KLC1: variants seen among roughly 807,000 people sequenced by gnomAD.
KLC1 encodes the protein kinesin 2 60/70kDa.
A neutral mutation model predicts 84.2 loss-of-function variants in KLC1; 30 were observed. The ratio of observed to expected loss-of-function variants is 0.36; its 90% confidence interval spans 0.27 to 0.48. KLC1 has a LOEUF of 0.48. Among genes scored for constraint, KLC1 ranks in the 20% least tolerant of loss-of-function variants. The pLI is 0.99. For synonymous variants in KLC1, 289 were observed against 293.3 expected, an observed-to-expected ratio of 0.99 and a Z score of 0.15; for missense variants, 499 against 805.4, an observed-to-expected ratio of 0.62 and a Z score of 4.60.
At chr14:103,685,190 T>C in intron 13 of KLC1, 1 of 1,437,126 alleles carries the variant, frequency 7.0e-7, no homozygotes, top group South Asian at 1.5e-5. Context: ...GGCTGTAGAC[T>C]TTTAAAGTCC....
intron 14 of KLC1, among the ~76,000 whole-genome samples, chr14:103,689,845 G>A (rs560619373): frequency 5.8e-4 from 88 of 152,286 alleles, no homozygotes; most frequent in Non-Finnish European, 1.1e-3. Context: ...CTTTCGTTTC[G>A]TAAAAGGGGG....
At chr14:103,641,088 C>T (rs2077454925) in intron 1 of KLC1, among the ~76,000 whole-genome samples, 1 of 152,200 alleles carries the variant, frequency 6.6e-6, no homozygotes, top group East Asian at 1.9e-4. Context: ...CTATGCCTGG[C>T]TAATTTTTGT....
chr14:103,638,747 G>A (rs2077245526), intron 1 of KLC1, among the ~76,000 whole-genome samples: 1 of 150,904 alleles, frequency 6.6e-6, no homozygotes, highest in Admixed American at 6.6e-5. Flanking sequence ...AGTGGGGTGT[G>A]TGGGTGTGTG....
chr14:103,685,816 C>T lies in KLC1; in HGVS notation c.1651-1265C>T. Reference sequence around the variant, plus strand: ...GCTGCTGTCCTTTTTGGGGGGGTTCCTGATTTCTGTATACATGTAGCTTTG... The same window carrying T: ...GCTGCTGTCCTTTTTGGGGGGGTTCTTGATTTCTGTATACATGTAGCTTTG... On this transcript the variant is annotated intron_variant, in intron 13 of 16. Coordinates refer to ENST00000334553, the MANE Select transcript of KLC1 (RefSeq NM_001394837.1). 2.2e-5 allele frequency: 27 copies of T among 1,203,552 alleles called. No homozygotes were observed. The South Asian group carries it at 2.6e-4, about 11-fold the overall frequency. 74.6% of individuals were successfully genotyped at this position (1,203,552 alleles called of 1,614,324 possible). A position where few individuals can be genotyped will look rare whatever the true frequency, so the allele number is the denominator to read the frequency against.
At chr14:103,642,343 C>T (rs1036333227) in intron 1 of KLC1, among the ~76,000 whole-genome samples, 3 of 152,160 alleles carry the variant, frequency 2.0e-5, no homozygotes, top group Non-Finnish European at 4.4e-5. Context: ...AGAATTTTAA[C>T]ATGTGAATTG....
At chr14:103,654,367 C>G (rs2078689879) in intron 1 of KLC1, among the ~76,000 whole-genome samples, 197 bp from the exon 2 acceptor site, 1 of 152,024 alleles carries the variant, frequency 6.6e-6, no homozygotes, top group Non-Finnish European at 1.5e-5. Context: ...AAGACATAAA[C>G]CAGAAAAGTA....
chr14:103,642,761 G>A (rs899995911), intron 1 of KLC1, among the ~76,000 whole-genome samples: 2 of 150,782 alleles, frequency 1.3e-5, no homozygotes, highest in South Asian at 4.2e-4. Context: ...TAGTTTTTTG[G>A]TTTTTTGGTT....
chr14:103,701,292 C>A lies in KLC1; in HGVS notation c.*93C>A. 7.3e-7 allele frequency: 1 copy of A among 1,369,588 alleles called. No homozygotes were observed. The highest frequency in any genetic ancestry group is 1.0e-6 in the Non-Finnish European group (1 of 991,942). 84.8% of individuals were successfully genotyped at this position (1,369,588 alleles called of 1,614,324 possible). ...CCAGGGCGGCAGGGAGGGCCCCTGG[C>A]CGGGAGCCGCAGCGCTCACTCATTT... On this transcript the variant is annotated 3_prime_UTR_variant, in exon 17 of 17. Coordinates refer to ENST00000334553, the MANE Select transcript of KLC1 (RefSeq NM_001394837.1).
chr14:103,685,386 G>C, intron 13 of KLC1: 1 of 1,207,088 alleles, frequency 8.3e-7, no homozygotes, highest in Non-Finnish European at 1.0e-6. Context: ...TACGCTTAAA[G>C]TGTTGACATT....
chr14:103,633,549 T>G (rs1463270868), intron 1 of KLC1, among the ~76,000 whole-genome samples: 1 of 152,084 alleles, frequency 6.6e-6, no homozygotes, highest in Non-Finnish European at 1.5e-5. Flanking sequence ...GTAAGGGTTA[T>G]AGTGGAGCTG....
intron 13 of KLC1, chr14:103,685,122 G>C: frequency 1.3e-6 from 2 of 1,490,218 alleles, no homozygotes; most frequent in Non-Finnish European, 1.8e-6. Context: ...GACCCAGGAC[G>C]CATTGCTGCC....
intron 1 of KLC1, among the ~76,000 whole-genome samples, chr14:103,644,683 C>G (rs750141296): frequency 1.3e-5 from 2 of 152,100 alleles, no homozygotes; most frequent in Non-Finnish European, 2.9e-5. Flanking sequence ...CACTTGAGCC[C>G]AGGACTTTGA....
chr14:103,677,889 C>T (rs1295824417), intron 12 of KLC1, among the ~76,000 whole-genome samples: 1 of 151,680 alleles, frequency 6.6e-6, no homozygotes, highest in East Asian at 1.9e-4. Flanking sequence ...ATCGCTTGAA[C>T]CTGGGAGGTG....
At chr14:103,643,786 G>A (rs1015660092) in intron 1 of KLC1, among the ~76,000 whole-genome samples, 6 of 152,102 alleles carry the variant, frequency 3.9e-5, no homozygotes, top group Admixed American at 3.3e-4. Context: ...AAATTAGCCT[G>A]GCGTGGTGGT....
intron 5 of KLC1, 29 bp downstream of exon 5, chr14:103,662,956 T>G: frequency 6.8e-7 from 1 of 1,479,600 alleles, no homozygotes. Flanking sequence ...CCTACTGAAT[T>G]TTACCTAGAG....
At chr14:103,696,882 G>GT (rs2082570630) in intron 15 of KLC1, 1 of 833,092 alleles carries the variant, frequency 1.2e-6, no homozygotes, top group Non-Finnish European at 1.3e-6. Context: ...GATGGTCAGT[G>GT]TTCTGGGACT....
chr14:103,657,900 A>C lies in KLC1; in HGVS notation c.492+124A>C, dbSNP rs1381275982. On this transcript the variant is annotated intron_variant, in intron 3 of 16. Coordinates refer to ENST00000334553, the MANE Select transcript of KLC1 (RefSeq NM_001394837.1). ...ATATTAGAACATTAGAACATGCAAA[A>C]ATGTTTTGTAAATATAAGCCACAAT... 4.1e-6 allele frequency: 3 copies of C among 735,720 alleles called. No individual in the cohort carries two copies. The African/African-American group carries it at 5.3e-5, about 13-fold the overall frequency. The allele number at this position is 735,720 out of a possible 1,614,324, so 45.6% of individuals were successfully genotyped here. A position where few individuals can be genotyped will look rare whatever the true frequency, so the allele number is the denominator to read the frequency against.
chr14:103,696,575 C>T, intron 15 of KLC1: 1 of 985,454 alleles, frequency 1.0e-6, no homozygotes, highest in Non-Finnish European at 1.2e-6. Flanking sequence ...TGTGTGTACG[C>T]TGTGGTCAGA....
At chr14:103,650,924 T>C (rs2078383075) in intron 1 of KLC1, among the ~76,000 whole-genome samples, 1 of 152,028 alleles carries the variant, frequency 6.6e-6, no homozygotes, top group African/African-American at 2.4e-5. Flanking sequence ...TGCAAGATAG[T>C]TTTCCCTCAG....
Sources: gnomAD v4.1 joint callset for allele counts (sites outside exome capture counted in the v4.1 genomes callset) on GRCh38, gnomAD v4.1.1 for gene constraint, MANE v1.5 for transcripts, NCBI Gene and HGNC (gene_info 2026-07-23, HGNC 2026-07-21) for gene names.